The following GPC3 variants were observed in gnomAD, a reference collection of about 807,000 sequenced individuals.
GPC3 encodes the protein glypican-3.
Under a neutral mutation model 34.4 loss-of-function variants are expected in GPC3, and 3 were observed. The ratio of observed to expected loss-of-function variants is 0.09; its 90% CI spans 0.04 to 0.23. The LOEUF (loss-of-function observed/expected upper bound fraction) is 0.23. Ranked by LOEUF, GPC3 falls within the 10% of genes least tolerant of loss-of-function variation. GPC3 has a pLI of 1.00. For synonymous variants in GPC3, 177 were observed against 174.0 expected (o/e 1.02, Z -0.13); for missense variants, 351 against 445.6 (o/e 0.79, Z 1.91).
intron 1 of GPC3, among the ~76,000 whole-genome samples, chrX:133,959,949 C>A (rs903079653): frequency 2.7e-5 from 3 of 111,663 alleles, no homozygotes; most frequent in African/African-American, 9.8e-5. Flanking sequence ...ATGAGTGCAT[C>A]TTATTGTTTG....
Position 133,963,401 on chromosome X carries a change from T to C in GPC3, c.176-10190A>G, listed in dbSNP as rs1189444296. 2.7e-5 allele frequency among the ~76,000 whole-genome samples: 3 copies of C among 112,084 alleles called. No homozygotes were observed. The Admixed American group carries it at 2.8e-4, about 11-fold the overall frequency. On this transcript the variant is annotated intron_variant, in intron 1 of 7. Transcript: ENST00000370818. ...CTCTGAGCCTCAGTTTCCTTACCTA[T>C]AAAATGGAGACAATAACACCTACTC... is the stretch of plus-strand genomic sequence containing the variant.
chrX:133,717,629 G>A (rs753387919), intron 3 of GPC3, among the ~76,000 whole-genome samples: 1 of 110,685 alleles, frequency 9.0e-6, no homozygotes, highest in African/African-American at 3.3e-5. Context: ...TTAGAGTTGT[G>A]AGCCCTTAAA....
intron 2 of GPC3, among the ~76,000 whole-genome samples, chrX:133,857,589 G>T (rs896499089): frequency 9.0e-6 from 1 of 111,405 alleles, no homozygotes; most frequent in Non-Finnish European, 1.9e-5. Context: ...CCCTTTCTGG[G>T]CCCATTTCCT....
chrX:133,984,067 G>T (rs1181898531), intron 1 of GPC3, among the ~76,000 whole-genome samples: 1 of 112,984 alleles, frequency 8.9e-6, no homozygotes, highest in African/African-American at 3.2e-5. Context: ...CCCACGGGGT[G>T]CGCATCCGCA....
intron 2 of GPC3, among the ~76,000 whole-genome samples, chrX:133,790,180 A>G (rs1219590073): frequency 8.9e-6 from 1 of 112,029 alleles, no homozygotes; most frequent in East Asian, 2.8e-4. Context: ...AAAGAGAAAG[A>G]GTGAGAGGAC....
At chrX:133,589,604 G>A (rs2069826964) in intron 7 of GPC3, among the ~76,000 whole-genome samples, 1 of 110,640 alleles carries the variant, frequency 9.0e-6, no homozygotes, top group Non-Finnish European at 1.9e-5. Context: ...TTGAACTCCC[G>A]ACTTCAGGTT....
chrX:133,773,913 G>A (rs997318988), intron 2 of GPC3, among the ~76,000 whole-genome samples: 1 of 111,738 alleles, frequency 8.9e-6, no homozygotes, highest in African/African-American at 3.3e-5. Flanking sequence ...TTCCCTTCAA[G>A]CATTGTAATT....
At chrX:133,823,973 C>CAAAAAAAA (rs55969744) in intron 2 of GPC3, among the ~76,000 whole-genome samples, 1 of 76,539 alleles carries the variant, frequency 1.3e-5, no homozygotes, top group Non-Finnish European at 2.5e-5. Flanking sequence ...GACTCCATCT[C>CAAAAAAAA]AAAAAAAAAA....
At chrX:133,842,752 T>C (rs779641859) in intron 2 of GPC3, among the ~76,000 whole-genome samples, 50 of 110,914 alleles carry the variant, frequency 4.5e-4, no homozygotes, top group African/African-American at 1.6e-3. Flanking sequence ...TATTATCAGA[T>C]ACTCAGAAGG....
At chrX:133,889,097 C>T (rs768770229) in intron 2 of GPC3, among the ~76,000 whole-genome samples, 1 of 112,373 alleles carries the variant, frequency 8.9e-6, no homozygotes, top group South Asian at 3.7e-4. Flanking sequence ...AAAGAGTCTA[C>T]ACCATGCTGA....
chrX:133,816,248 T>C (rs113155701), intron 2 of GPC3, among the ~76,000 whole-genome samples: 213 of 111,155 alleles, frequency 1.9e-3, no homozygotes, highest in Non-Finnish European at 3.2e-3. Context: ...AAAGACCAGG[T>C]CTCACTTTGT....
intron 2 of GPC3, 138 bp from the exon 3 acceptor site, chrX:133,754,314 C>T: frequency 2.1e-6 from 1 of 483,533 alleles, no homozygotes. Flanking sequence ...GACTCTCATT[C>T]ATTTCTGGCA....
intron 2 of GPC3, among the ~76,000 whole-genome samples, chrX:133,936,098 T>A (rs947883173): frequency 9.3e-6 from 1 of 108,012 alleles, no homozygotes; most frequent in Non-Finnish European, 1.9e-5. Context: ...ATTATTATCA[T>A]TATTTTGATA....
At chrX:133,606,405 A>G (rs1475076063) in intron 6 of GPC3, among the ~76,000 whole-genome samples, 3 of 111,246 alleles carry the variant, frequency 2.7e-5, no homozygotes. Flanking sequence ...TAGCCTTGTT[A>G]CTATAAATAA....
At chrX:133,687,693 T>C (rs2071024143) in intron 5 of GPC3, among the ~76,000 whole-genome samples, 1 of 111,529 alleles carries the variant, frequency 9.0e-6, no homozygotes, top group Admixed American at 9.5e-5. Flanking sequence ...CCCAGAGTGC[T>C]GGGATTACAG....
chrX:133,551,595 AG>A (rs1452330916), intron 7 of GPC3, among the ~76,000 whole-genome samples: 1 of 111,780 alleles, frequency 8.9e-6, no homozygotes, highest in Non-Finnish European at 1.9e-5. Context: ...CTGTAGGCAA[AG>A]GGCAACGTTG....
rs568511901 is a variant in GPC3, at chrX:133,978,611, A to T, written c.175+6664T>A. On this transcript the variant is annotated intron_variant, in intron 1 of 7. Coordinates refer to ENST00000370818, the MANE Select transcript of GPC3 (RefSeq NM_004484.4). The stretch of plus-strand genomic sequence containing the variant: ...AAATGGATTTTTGACCTAAAAAAAA[A>T]CTGGTTACTTTTTTAAAAACCTTAG... Among the ~76,000 whole-genome samples the T allele has an allele frequency of 2.8e-4, 31 of 112,136 alleles. 1 individual carries two copies. The highest frequency in any genetic ancestry group is 9.4e-4 in the African/African-American group (29 of 30,929).
chrX:133,807,942 C>G (rs747590168), intron 2 of GPC3, among the ~76,000 whole-genome samples: 5 of 112,091 alleles, frequency 4.5e-5, no homozygotes, highest in Non-Finnish European at 9.4e-5. Flanking sequence ...TTTTACCAAG[C>G]CCTCCAGAGG....
intron 2 of GPC3, among the ~76,000 whole-genome samples, chrX:133,862,691 A>AAATAATAAT (rs770674766): frequency 9.3e-6 from 1 of 107,985 alleles, no homozygotes; most frequent in African/African-American, 3.4e-5. Flanking sequence ...CTCCATCTCA[A>AAATAATAAT]AATAATAATA....
Sources: gnomAD v4.1 joint callset for allele counts (sites outside exome capture counted in the v4.1 genomes callset) on GRCh38, gnomAD v4.1.1 for gene constraint, MANE v1.5 for transcripts, NCBI Gene and HGNC (gene_info 2026-07-23, HGNC 2026-07-21) for gene names.